Variants in NTM observed in about 807,000 individuals in gnomAD.
The protein encoded by NTM is IgLON family member 2.
Under a neutral mutation model 42.1 loss-of-function variants are expected in NTM, and 13 were observed. That is an observed-to-expected ratio of 0.31 (90% CI 0.20 to 0.49). The LOEUF (loss-of-function observed/expected upper bound fraction) is 0.49, where lower values mean the gene tolerates loss of function less well. Ranked by LOEUF, NTM falls within the 20% of genes least tolerant of loss-of-function variation. The pLI, the probability that NTM is intolerant of heterozygous loss-of-function variation, is 0.99. For synonymous variants in NTM, 187 were observed against 179.2 expected (o/e 1.04, Z -0.35); for missense variants, 373 against 452.8 (o/e 0.82, Z 1.60).
chr11:132,246,026 C>A (rs1353404828), intron 4 of NTM, among the ~76,000 whole-genome samples: 1 of 152,196 alleles, frequency 6.6e-6, no homozygotes, highest in Non-Finnish European at 1.5e-5. Context: ...CTGCCCCGGG[C>A]TAGAGGAGAA....
intron 4 of NTM, among the ~76,000 whole-genome samples, chr11:132,301,045 C>T (rs1406999566): frequency 6.6e-6 from 1 of 152,174 alleles, no homozygotes; most frequent in Non-Finnish European, 1.5e-5. Context: ...CTGTATTAGT[C>T]TGTTCTCACA....
At chr11:132,187,249 G>A (rs545922118) in intron 3 of NTM, among the ~76,000 whole-genome samples, 4 of 150,794 alleles carry the variant, frequency 2.7e-5, no homozygotes, top group East Asian at 2.0e-4. Flanking sequence ...GTGTGTGTGC[G>A]TGTGCGTGTT....
In NTM at chr11:132,239,116, T is replaced by G. The variant is rs376850535; in HGVS notation, c.526+26969T>G. ...CAGATACAATAGACACCAGAGACAC[T>G]GCCGTAAGTCGGTGACTTCAGATTT... On this transcript the variant is annotated intron_variant, in intron 4 of 8. Coordinates refer to ENST00000683400, the MANE Select transcript of NTM (RefSeq NM_001352005.2). 4.6e-5 allele frequency among the ~76,000 whole-genome samples: 7 copies of G among 152,340 alleles called. 1 individual carries two copies. Among genetic ancestry groups the G allele is most frequent in the Admixed American group, 3.9e-4 (6 of 15,300 alleles).
At chr11:132,031,380 G>A (rs1305793117) in intron 2 of NTM, among the ~76,000 whole-genome samples, 1 of 152,198 alleles carries the variant, frequency 6.6e-6, no homozygotes, top group Non-Finnish European at 1.5e-5. Context: ...GAGGCAAGAA[G>A]ACCAGTAAGG....
intron 3 of NTM, among the ~76,000 whole-genome samples, chr11:132,183,704 C>T (rs995799688): frequency 2.0e-5 from 3 of 152,158 alleles, no homozygotes; most frequent in African/African-American, 7.2e-5. Context: ...TTTAGACTCA[C>T]CAACTCCAAA....
chr11:131,413,953 A>G (rs1946691042), intron 1 of NTM, among the ~76,000 whole-genome samples: 1 of 152,200 alleles, frequency 6.6e-6, no homozygotes, highest in African/African-American at 2.4e-5. Context: ...TGCAGGGACA[A>G]TCTCTGGTAG....
At chr11:131,809,838 T>C (rs1215140136) in intron 1 of NTM, among the ~76,000 whole-genome samples, 11 of 152,194 alleles carry the variant, frequency 7.2e-5, no homozygotes, top group East Asian at 3.9e-4. Context: ...AGGTGAGCTA[T>C]TGGGCTCTGC....
intron 1 of NTM, among the ~76,000 whole-genome samples, chr11:131,384,870 G>A (rs892360321): frequency 6.6e-6 from 1 of 152,218 alleles, no homozygotes; most frequent in Non-Finnish European, 1.5e-5. Flanking sequence ...CTCTGGTTAT[G>A]GAAATACTCT....
chr11:131,536,083 C>A (rs550239295), intron 1 of NTM: 1 of 152,158 alleles, frequency 6.6e-6, no homozygotes, highest in Non-Finnish European at 1.5e-5. Flanking sequence ...CTGTGTTTAA[C>A]CGTATCTTCC....
At chr11:131,443,795 C>A (rs1591680094) in intron 1 of NTM, among the ~76,000 whole-genome samples, 1 of 152,336 alleles carries the variant, frequency 6.6e-6, no homozygotes, top group East Asian at 1.9e-4. Context: ...TGAATGCCAA[C>A]TTCCATGGCA....
At chr11:132,051,727 C>T (rs1290411810) in intron 2 of NTM, among the ~76,000 whole-genome samples, 2 of 152,162 alleles carry the variant, frequency 1.3e-5, no homozygotes, top group Middle Eastern at 3.2e-3. Context: ...AAGCCCTGGC[C>T]ACTCCTCACT....
chr11:131,993,615 G>T (rs183033431), intron 2 of NTM, among the ~76,000 whole-genome samples: 1 of 152,232 alleles, frequency 6.6e-6, no homozygotes, highest in East Asian at 1.9e-4. Context: ...ATTTCCTAGG[G>T]TGGATATAAT....
rs912990344 is a variant in NTM, at chr11:131,515,271, A to G, written c.82+144383A>G. The stretch of plus-strand genomic sequence containing the variant: ...GAATCAGAACCACTTGGCCTCACCC[A>G]CAGTGTTTGCAAGGCTGCACGTAGA... On this transcript the variant is annotated intron_variant, in intron 1 of 8. Transcript: ENST00000683400. 5.3e-5 allele frequency among the ~76,000 whole-genome samples: 8 copies of G among 152,166 alleles called. No homozygotes were observed. The East Asian group carries it at 7.7e-4, about 15-fold the overall frequency.
intron 2 of NTM, among the ~76,000 whole-genome samples, chr11:132,000,034 G>A (rs567765225): frequency 6.6e-6 from 1 of 151,504 alleles, no homozygotes; most frequent in East Asian, 1.9e-4. Flanking sequence ...TCTCTCATAA[G>A]ACATCAAGGG....
At chr11:131,992,840 C>T (rs1363998706) in intron 2 of NTM, among the ~76,000 whole-genome samples, 1 of 152,096 alleles carries the variant, frequency 6.6e-6, no homozygotes, top group Non-Finnish European at 1.5e-5. Context: ...GACCATGAGA[C>T]TGGAGAGGAA....
At chr11:131,849,379 C>A (rs1275983814) in intron 1 of NTM, among the ~76,000 whole-genome samples, 1 of 152,096 alleles carries the variant, frequency 6.6e-6, no homozygotes, top group Non-Finnish European at 1.5e-5. Context: ...CTGGGTTAGC[C>A]TCAAAGAGCT....
At chr11:132,217,908 T>C (rs1430563532) in intron 4 of NTM, among the ~76,000 whole-genome samples, 2 of 152,042 alleles carry the variant, frequency 1.3e-5, no homozygotes, top group Admixed American at 1.3e-4. Context: ...CCTATTTTCC[T>C]ATTTGTAAGC....
intron 1 of NTM, among the ~76,000 whole-genome samples, chr11:131,532,354 G>A (rs191296594): frequency 1.0e-3 from 159 of 152,264 alleles, no homozygotes; most frequent in African/African-American, 3.7e-3. Context: ...TTCATTTAGC[G>A]TAAGGTTTTC....
intron 2 of NTM, among the ~76,000 whole-genome samples, chr11:132,068,817 A>G (rs1166801168): frequency 6.6e-6 from 1 of 152,218 alleles, no homozygotes; most frequent in Non-Finnish European, 1.5e-5. Flanking sequence ...GCACAGGCTG[A>G]AGCTGCTGTC....
Sources: gnomAD v4.1 joint callset for allele counts (sites outside exome capture counted in the v4.1 genomes callset) on GRCh38, gnomAD v4.1.1 for gene constraint, MANE v1.5 for transcripts, NCBI Gene and HGNC (gene_info 2026-07-23, HGNC 2026-07-21) for gene names.